CPS1: variants seen among roughly 807,000 people sequenced by gnomAD.
The protein encoded by CPS1 is carbamoyl-phosphate synthase [ammonia], mitochondrial.
Under a neutral mutation model 174.6 loss-of-function variants are expected in CPS1, and 109 were observed. That is an observed-to-expected ratio of 0.62 (90% confidence interval 0.53 to 0.73). CPS1 has a LOEUF of 0.73. CPS1 is among the 30% of genes least tolerant of loss of function. CPS1 has a pLI of 0.00. For synonymous variants in CPS1, 637 were observed against 632.0 expected (o/e 1.01, Z -0.12); for missense variants, 1,689 against 1,821.9 (o/e 0.93, Z 1.33).
Position 210,600,597 on chromosome 2 carries a change from T to G in CPS1, c.1592T>G (p.Val531Gly). 2 of 1,612,308 alleles carry G rather than the reference T, an allele frequency of 1.2e-6. No homozygotes were observed. The highest frequency in any genetic ancestry group is 1.7e-6 in the Non-Finnish European group (2 of 1,178,898). ...AGAGGTGTGCTCAAGGAATATGGTG[T>G]GAAAGTCCTGGGAACTTCAGTTGAG... The part of the protein sequence containing the change: ...FKRGVLKEYG[V>G]KVLGTSVESI... The change falls in exon 15 of 38, where the codon GTG becomes GGG. Residue 531 changes from valine to glycine, a missense_variant. Physicochemically the swap from Val to Gly is moderately radical, Grantham distance 109 (BLOSUM62 -3). Transcript: ENST00000233072.
At chr2:210,541,553 A>G (rs1696430281) in intron 1 of CPS1, among the ~76,000 whole-genome samples, 1 of 152,118 alleles carries the variant, frequency 6.6e-6, no homozygotes, top group Non-Finnish European at 1.5e-5. Flanking sequence ...GTAGAGAAGG[A>G]GGAATTAAGC....
intron 27 of CPS1, 138 bp from the exon 28 acceptor site, chr2:210,650,225 A>G: frequency 1.4e-6 from 1 of 721,610 alleles, no homozygotes; most frequent in Non-Finnish European, 2.5e-6. Context: ...TTAAATGGAG[A>G]AAAGTCTCAA....
intron 1 of CPS1, among the ~76,000 whole-genome samples, chr2:210,483,738 C>T (rs964732771): frequency 6.6e-6 from 1 of 152,234 alleles, no homozygotes; most frequent in African/African-American, 2.4e-5. Context: ...AATAAACTGG[C>T]ATAGCTATAT....
chr2:210,505,793 A>G (rs981192147), intron 1 of CPS1, among the ~76,000 whole-genome samples: 1 of 152,210 alleles, frequency 6.6e-6, no homozygotes, highest in Non-Finnish European at 1.5e-5. Flanking sequence ...GCTCATTGCT[A>G]ATACAGCAGT....
intron 6 of CPS1, among the ~76,000 whole-genome samples, chr2:210,583,265 C>T (rs1697989861): frequency 6.6e-6 from 1 of 152,058 alleles, no homozygotes; most frequent in Non-Finnish European, 1.5e-5. Flanking sequence ...GTAAAGAATA[C>T]ATTTTAGAAA....
intron 1 of CPS1, among the ~76,000 whole-genome samples, chr2:210,495,905 T>C (rs1694980830): frequency 1.3e-5 from 2 of 151,872 alleles, no homozygotes; most frequent in Non-Finnish European, 2.9e-5. Context: ...TAGAGTGCCA[T>C]AAGGGTCTCC....
chr2:210,538,409 A>C (rs1448008525), intron 1 of CPS1, among the ~76,000 whole-genome samples: 1 of 152,072 alleles, frequency 6.6e-6, no homozygotes, highest in Non-Finnish European at 1.5e-5. Context: ...CTTTAAGAGA[A>C]CTCAGGAGAA....
At chr2:210,544,509 T>C (rs1288639318) in intron 1 of CPS1, among the ~76,000 whole-genome samples, 1 of 152,106 alleles carries the variant, frequency 6.6e-6, no homozygotes, top group African/African-American at 2.4e-5. Context: ...AAGAATGTTT[T>C]ATATATTTAA....
At chr2:210,599,336 A>G (rs754512790) in intron 13 of CPS1, 36 bp from the exon 14 acceptor site, 34 of 1,589,242 alleles carry the variant, frequency 2.1e-5, no homozygotes, top group East Asian at 4.5e-5. Flanking sequence ...TCTTTAGACC[A>G]TATATTCATG....
intron 16 of CPS1, 34 bp downstream of exon 16, chr2:210,602,364 CA>C: frequency 6.2e-7 from 1 of 1,611,032 alleles, no homozygotes. Context: ...TCTTACCAAC[CA>C]AAAAAACTGG....
chr2:210,645,393 G>C (rs1700349173), intron 25 of CPS1, among the ~76,000 whole-genome samples: 1 of 152,096 alleles, frequency 6.6e-6, no homozygotes, highest in Admixed American at 6.6e-5. Context: ...AACTACACCT[G>C]AAATGAGCCA....
Position 210,668,540 on chromosome 2 carries a change from G to C in CPS1, c.4101+256G>C, listed in dbSNP as rs188808253. Among the ~76,000 whole-genome samples, 4 of 152,234 alleles carry C rather than the reference G, an allele frequency of 2.6e-5. No homozygotes were observed. In the East Asian group the frequency reaches 7.7e-4, roughly 29 times the overall value. ...AAGGGATATTTGTTCTAAATGGGAT[G>C]CAGGGTACTTTAAAAAATGAATCTC... On this transcript the variant is annotated intron_variant, in intron 34 of 37. Coordinates refer to ENST00000233072, the MANE Select transcript of CPS1 (RefSeq NM_001875.5).
chr2:210,551,749 A>G (rs1473718033), upstream of CPS1, among the ~76,000 whole-genome samples: 2 of 151,888 alleles, frequency 1.3e-5, no homozygotes, highest in Non-Finnish European at 2.9e-5. Context: ...CTCACTTTCT[A>G]TTCCTCAAAA....
At chr2:210,542,577 T>C (rs1300564159) in intron 1 of CPS1, among the ~76,000 whole-genome samples, 2 of 152,100 alleles carry the variant, frequency 1.3e-5, no homozygotes, top group Non-Finnish European at 2.9e-5. Flanking sequence ...TCCTTCTTCA[T>C]GCTCTTTAGA....
intron 1 of CPS1, among the ~76,000 whole-genome samples, chr2:210,563,993 C>T (rs1372213782): frequency 6.6e-6 from 1 of 152,120 alleles, no homozygotes; most frequent in Non-Finnish European, 1.5e-5. Flanking sequence ...AAATTGCAGT[C>T]ACTTATTTGT....
chr2:210,648,092 C>T, intron 26 of CPS1, 35 bp downstream of exon 26: 1 of 1,603,050 alleles, frequency 6.2e-7, no homozygotes, highest in Non-Finnish European at 8.5e-7. Context: ...TTCTAATGTT[C>T]TATTTTGAAG....
At chr2:210,594,722 A>C in intron 12 of CPS1, 116 bp downstream of exon 12, 1 of 740,084 alleles carries the variant, frequency 1.4e-6, no homozygotes, top group Non-Finnish European at 2.4e-6. Context: ...ATGACTGGTA[A>C]TATTGTAATA....
chr2:210,639,143 C>T lies in CPS1; in HGVS notation c.2830-7C>T. The stretch of plus-strand genomic sequence containing the variant: ...TATTTGTTTATTTTATTTGTTTTCT[C>T]TTACAGATTGATACACTGGCTGCAG... On this transcript the variant is annotated splice_polypyrimidine_tract_variant and splice_region_variant and intron_variant, in intron 22 of 37. Transcript: ENST00000233072. 1 of 1,607,778 alleles carries T rather than the reference C, an allele frequency of 6.2e-7. No individual in the cohort carries two copies. Among genetic ancestry groups the T allele is most frequent in the Non-Finnish European group, 8.5e-7 (1 of 1,174,708 alleles).
intron 1 of CPS1, among the ~76,000 whole-genome samples, chr2:210,511,961 C>A (rs1401122175): frequency 6.6e-6 from 1 of 151,920 alleles, no homozygotes; most frequent in African/African-American, 2.4e-5. Context: ...TCATTGAACC[C>A]CAAATTGAGC....
Sources: gnomAD v4.1 joint callset for allele counts (sites outside exome capture counted in the v4.1 genomes callset) on GRCh38, gnomAD v4.1.1 for gene constraint, MANE v1.5 for transcripts, NCBI Gene and HGNC (gene_info 2026-07-23, HGNC 2026-07-21) for gene names.